ATP8B1: variants seen among roughly 807,000 people sequenced by gnomAD.
ATP8B1 encodes phospholipid-transporting ATPase IC.
In ATP8B1, 80 loss-of-function variants were observed where a neutral mutation model predicts 149.9. The observed-to-expected ratio is 0.53, with a 90% CI of 0.45 to 0.64. The LOEUF (loss-of-function observed/expected upper bound fraction) is 0.64, where lower values mean the gene tolerates loss of function less well. Among genes scored for constraint, ATP8B1 ranks in the 30% least tolerant of loss-of-function variants. The pLI, the probability that ATP8B1 is intolerant of heterozygous loss-of-function variation, is 0.00. For missense variants in ATP8B1, 1,247 were observed against 1,552.6 expected, an observed-to-expected ratio of 0.80 and a Z score of 3.31; for synonymous variants, 536 against 562.8, an observed-to-expected ratio of 0.95 and a Z score of 0.67.
intron 1 of ATP8B1, among the ~76,000 whole-genome samples, chr18:57,732,335 GTATATATATGTATATATGTGTA>G (rs1302561495): frequency 1.2e-5 from 1 of 86,802 alleles, no homozygotes; most frequent in African/African-American, 5.2e-5. Context: ...ATATATGTGT[GTATATATATGTATATATGTGTA>G]TATATATGTA....
At chr18:57,726,429 T>C (rs1383396927) in intron 2 of ATP8B1, among the ~76,000 whole-genome samples, 1 of 152,222 alleles carries the variant, frequency 6.6e-6, no homozygotes, top group Admixed American at 6.5e-5. Flanking sequence ...GGAGAAAATA[T>C]TCAGGCCACT....
chr18:57,668,277 A>G (rs1911005404), intron 19 of ATP8B1, 152 bp downstream of exon 19: 3 of 1,336,530 alleles, frequency 2.2e-6, no homozygotes, highest in Admixed American at 4.1e-5. Flanking sequence ...TGCTGGAAAA[A>G]CAGAGGAGGG....
At chr18:57,790,215 C>T (rs1018624839) in intron 1 of ATP8B1, among the ~76,000 whole-genome samples, 2 of 152,034 alleles carry the variant, frequency 1.3e-5, no homozygotes, top group Admixed American at 1.3e-4. Flanking sequence ...CTCCCATCAT[C>T]GGGCCCAAAC....
chr18:57,736,249 G>A (rs905385571), intron 1 of ATP8B1, among the ~76,000 whole-genome samples: 2 of 152,022 alleles, frequency 1.3e-5, no homozygotes, highest in Non-Finnish European at 2.9e-5. Context: ...TGAATGGTTT[G>A]CAAATATTTT....
At chr18:57,769,919 G>A (rs192396349) in intron 1 of ATP8B1, among the ~76,000 whole-genome samples, 24 of 152,248 alleles carry the variant, frequency 1.6e-4, no homozygotes, top group Middle Eastern at 6.8e-3. Context: ...CAATAAGGTA[G>A]GTCCTGTTAT....
At chr18:57,733,088 A>G (rs558287267) in intron 1 of ATP8B1, among the ~76,000 whole-genome samples, 1 of 152,304 alleles carries the variant, frequency 6.6e-6, no homozygotes, top group African/African-American at 2.4e-5. Context: ...TCTACCGCAT[A>G]AGATGACCCC....
At chr18:57,769,306 G>A (rs2080246170) in intron 1 of ATP8B1, among the ~76,000 whole-genome samples, 1 of 152,152 alleles carries the variant, frequency 6.6e-6, no homozygotes, top group South Asian at 2.1e-4. Flanking sequence ...TGCCAGATCT[G>A]ATTGGCTCCC....
intron 15 of ATP8B1, among the ~76,000 whole-genome samples, chr18:57,681,030 G>A (rs1378306732): frequency 6.6e-6 from 1 of 152,206 alleles, no homozygotes; most frequent in Non-Finnish European, 1.5e-5. Flanking sequence ...CTGCTGTGAA[G>A]GGAATTTGCA....
chr18:57,688,121 T>G (rs534067619), intron 13 of ATP8B1, among the ~76,000 whole-genome samples, 178 bp downstream of exon 13: 2 of 152,304 alleles, frequency 1.3e-5, no homozygotes, highest in African/African-American at 4.8e-5. Context: ...CCCACGCATG[T>G]GTCCCCAGTG....
chr18:57,676,717 C>CAA lies in ATP8B1; in HGVS notation c.1631-1697_1631-1696dup, dbSNP rs58101846. Among the ~76,000 whole-genome samples the CAA allele has an allele frequency of 3.4e-3, 314 of 91,962 alleles. 1 individual carries two copies. The highest frequency in any genetic ancestry group is 9.8e-3 in the South Asian group (25 of 2,548). 60.3% of individuals were successfully genotyped at this position (91,962 alleles called of 152,430 possible). On this transcript the variant is annotated intron_variant, in intron 15 of 27. Coordinates refer to ENST00000648908, the MANE Select transcript of ATP8B1 (RefSeq NM_001374385.1). ...CTGGTGACAGACCGAGACTCCATTT[C>CAA]AAAAAAAAAAAAAAAAAAAAAGAAA...
intron 1 of ATP8B1, among the ~76,000 whole-genome samples, chr18:57,781,711 G>A (rs1447255123): frequency 7.9e-5 from 12 of 152,144 alleles, no homozygotes; most frequent in Admixed American, 7.2e-4. Context: ...GCAGTGGCTC[G>A]CACCAGTAAT....
At chr18:57,758,962 C>A (rs544718504) in intron 1 of ATP8B1, among the ~76,000 whole-genome samples, 41 of 151,858 alleles carry the variant, frequency 2.7e-4, no homozygotes, top group Non-Finnish European at 5.3e-4. Context: ...TCAAGACTAT[C>A]CTGGCCAACA....
chr18:57,744,221 A>G (rs1008419400), intron 1 of ATP8B1, among the ~76,000 whole-genome samples: 4 of 150,028 alleles, frequency 2.7e-5, no homozygotes, highest in African/African-American at 9.8e-5. Context: ...AGGCTGAGGC[A>G]GGAGAATCGC....
chr18:57,652,752 G>A lies in ATP8B1; in HGVS notation c.3016-23C>T, dbSNP rs766461593. ...ATCCTTAAGGAGAAAACAAAATGAT[G>A]GTATTTTATTCATCAGGTCAAAGCA... On this transcript the variant is annotated intron_variant, in intron 24 of 27. Transcript: ENST00000648908. The A allele has an allele frequency of 1.4e-5, 22 of 1,613,786 alleles. No individual in the cohort carries two copies. The South Asian group carries it at 1.4e-4, about 10-fold the overall frequency.
intron 1 of ATP8B1, among the ~76,000 whole-genome samples, chr18:57,766,675 T>C (rs1255224294): frequency 3.3e-5 from 5 of 152,174 alleles, no homozygotes; most frequent in Admixed American, 2.0e-4. Context: ...GACTCTTCAT[T>C]TCCATCAAGC....
At chr18:57,736,240 G>C (rs116329019) in intron 1 of ATP8B1, among the ~76,000 whole-genome samples, 123 of 152,182 alleles carry the variant, frequency 8.1e-4, no homozygotes, top group African/African-American at 2.8e-3. Context: ...TTAGTTAGAT[G>C]AATGGTTTGC....
intron 1 of ATP8B1, among the ~76,000 whole-genome samples, chr18:57,760,436 C>A (rs1418875954): frequency 6.6e-6 from 1 of 152,110 alleles, no homozygotes; most frequent in Non-Finnish European, 1.5e-5. Flanking sequence ...CCTGAGGAAC[C>A]CCCTCTGTGG....
rs754092954 is a variant in ATP8B1, at chr18:57,662,551, G to T, written c.2350C>A (p.Pro784Thr). 3.2e-5 allele frequency: 52 copies of T among 1,614,070 alleles called. 2 individuals carry two copies. In the South Asian group the frequency reaches 4.3e-4, roughly 13 times the overall value. The change falls in exon 21 of 28, where the codon CCT becomes ACT. Residue 784 changes from proline to threonine, a missense_variant. Transcript: ENST00000648908. ...GGAAAAAAAGATTCCTGCACAGGAG[G>T]TGCAAACTTTGCGTAGACGCCACCT... ...NRGGVYAKFA[P>T]PVQESFFPPG...
chr18:57,704,395 G>A (rs991744601), intron 4 of ATP8B1, among the ~76,000 whole-genome samples, 160 bp downstream of exon 4: 2 of 152,146 alleles, frequency 1.3e-5, no homozygotes, highest in African/African-American at 4.8e-5. Context: ...ATATAACACT[G>A]ATTGAGCTGG....
Sources: gnomAD v4.1 joint callset for allele counts (sites outside exome capture counted in the v4.1 genomes callset) on GRCh38, gnomAD v4.1.1 for gene constraint, MANE v1.5 for transcripts, NCBI Gene and HGNC (gene_info 2026-07-23, HGNC 2026-07-21) for gene names.